DPF3: variants seen among roughly 807,000 people sequenced by gnomAD.
The protein encoded by DPF3 is zinc finger protein DPF3.
In DPF3, 18 loss-of-function variants were observed where a neutral mutation model predicts 56.8. The ratio of observed to expected loss-of-function variants is 0.32; its 90% CI spans 0.22 to 0.47. The LOEUF is 0.47. Among genes scored for constraint, DPF3 ranks in the 20% least tolerant of loss-of-function variants. The probability of loss-of-function intolerance (pLI) is 1.00; values close to 1 mark genes in which losing one functional copy is unlikely to be tolerated. For missense variants in DPF3, 403 were observed against 488.8 expected, an observed-to-expected ratio of 0.82 and a Z score of 1.65; for synonymous variants, 188 against 180.2, an observed-to-expected ratio of 1.04 and a Z score of -0.35.
chr14:72,784,281 A>G (rs1013069329), intron 1 of DPF3, among the ~76,000 whole-genome samples: 1 of 152,140 alleles, frequency 6.6e-6, no homozygotes, highest in African/African-American at 2.4e-5. Context: ...TATGTCCCCA[A>G]ACTTAAGTTG....
At chr14:72,744,160 G>T (rs1383946612) in intron 3 of DPF3, among the ~76,000 whole-genome samples, 1 of 152,200 alleles carries the variant, frequency 6.6e-6, no homozygotes, top group Non-Finnish European at 1.5e-5. Flanking sequence ...TAAAGAAACA[G>T]AAGAGGGATG....
chr14:72,870,895 C>T (rs567688406), intron 1 of DPF3, among the ~76,000 whole-genome samples: 2 of 152,184 alleles, frequency 1.3e-5, no homozygotes, highest in African/African-American at 4.8e-5. Context: ...GGCAACATGG[C>T]AAAACCCTGT....
chr14:72,703,498 C>A (rs927235776), intron 6 of DPF3, among the ~76,000 whole-genome samples: 3 of 131,230 alleles, frequency 2.3e-5, no homozygotes, highest in African/African-American at 7.7e-5. Context: ...ATTTCTGGAT[C>A]CTCAGCAGGG....
intron 4 of DPF3, among the ~76,000 whole-genome samples, chr14:72,729,122 A>G (rs1256103724): frequency 6.6e-6 from 1 of 152,056 alleles, no homozygotes; most frequent in East Asian, 1.9e-4. Context: ...GTGGTGCGCA[A>G]CTATAATCCC....
intron 1 of DPF3, among the ~76,000 whole-genome samples, chr14:72,890,569 T>G (rs375707472): frequency 1.3e-5 from 2 of 151,588 alleles, no homozygotes; most frequent in African/African-American, 4.9e-5. Flanking sequence ...ACGTGACTAA[T>G]CTACATGCAG....
At chr14:72,691,992 G>A (rs1887709184) in intron 7 of DPF3, among the ~76,000 whole-genome samples, 1 of 152,158 alleles carries the variant, frequency 6.6e-6, no homozygotes, top group Non-Finnish European at 1.5e-5. Context: ...ATTACGAGGG[G>A]AAAGTGGGGT....
chr14:72,613,442 C>T lies in DPF3; in HGVS notation c.*5855G>A, dbSNP rs890493006. ...TCCTCTGGCCTGCCCTGGGAAATGTCGCCATCAGCAAAATACTCCCTTCTC... is the reference window on the plus strand; with the variant it reads ...TCCTCTGGCCTGCCCTGGGAAATGTTGCCATCAGCAAAATACTCCCTTCTC... On this transcript the variant is annotated 3_prime_UTR_variant, in exon 11 of 11. Coordinates refer to ENST00000556509, the MANE Select transcript of DPF3 (RefSeq NM_001280542.3). Among the ~76,000 whole-genome samples, 1 of 152,204 alleles carries T rather than the reference C, an allele frequency of 6.6e-6. No homozygotes were observed. Among genetic ancestry groups the T allele is most frequent in the African/African-American group, 2.4e-5 (1 of 41,442 alleles).
At position 72,804,180 on chromosome 14, in the gene DPF3, G is replaced by GACACACACAC. The variant is rs545355128; in HGVS notation, c.33-32297_33-32288dup. The stretch of plus-strand genomic sequence containing the variant: ...CTCAAGATCCAGCACTGCTTTCCAG[G>GACACACACAC]ACACACACACACACACACACACACA... On this transcript the variant is annotated intron_variant, in intron 1 of 10. Coordinates refer to ENST00000556509, the MANE Select transcript of DPF3 (RefSeq NM_001280542.3). 2.1e-3 allele frequency among the ~76,000 whole-genome samples: 285 copies of GACACACACAC among 133,260 alleles called. 3 individuals are homozygous for GACACACACAC. The highest frequency in any genetic ancestry group is 7.4e-3 in the South Asian group (29 of 3,916). The allele number at this position is 133,260 out of a possible 152,430, so 87.4% of individuals were successfully genotyped here.
At chr14:72,728,540 G>A (rs187130241) in intron 4 of DPF3, among the ~76,000 whole-genome samples, 34 of 152,278 alleles carry the variant, frequency 2.2e-4, no homozygotes, top group African/African-American at 7.2e-4. Flanking sequence ...GATTTATTTA[G>A]TGGGAAACAA....
At chr14:72,655,962 T>A (rs997636767) in intron 8 of DPF3, among the ~76,000 whole-genome samples, 4 of 152,160 alleles carry the variant, frequency 2.6e-5, no homozygotes, top group African/African-American at 9.7e-5. Context: ...GCCTCGACAG[T>A]CTAAAATGCT....
intron 1 of DPF3, chr14:72,892,720 A>C (rs1599531632): frequency 2.0e-6 from 2 of 999,538 alleles, no homozygotes; most frequent in South Asian, 8.9e-5. Flanking sequence ...ACCGCCCCCC[A>C]CCCGACCTGC....
intron 5 of DPF3, among the ~76,000 whole-genome samples, chr14:72,714,952 G>C (rs1888847250): frequency 6.6e-6 from 1 of 152,312 alleles, no homozygotes; most frequent in East Asian, 1.9e-4. Flanking sequence ...CCCCTCAGCA[G>C]ACCAGCTGAT....
chr14:72,827,200 G>A (rs2140044967), intron 1 of DPF3, among the ~76,000 whole-genome samples: 1 of 152,206 alleles, frequency 6.6e-6, no homozygotes. Context: ...TTCAGAAAAT[G>A]GAAGAATCAG....
At chr14:72,848,383 T>C (rs576063728) in intron 1 of DPF3, among the ~76,000 whole-genome samples, 16 of 152,304 alleles carry the variant, frequency 1.1e-4, no homozygotes, top group African/African-American at 2.9e-4. Flanking sequence ...CAGGCTGGCC[T>C]CAAATTCCTG....
At chr14:72,802,075 C>T (rs1195310092) in intron 1 of DPF3, among the ~76,000 whole-genome samples, 6 of 152,190 alleles carry the variant, frequency 3.9e-5, no homozygotes. Context: ...AGAGTGGCAC[C>T]AACAAGTGGC....
At chr14:72,643,940 C>A (rs914848869) in intron 8 of DPF3, among the ~76,000 whole-genome samples, 4 of 152,182 alleles carry the variant, frequency 2.6e-5, no homozygotes, top group African/African-American at 7.2e-5. Flanking sequence ...GAGACCCCAA[C>A]GAAGCCTCAC....
chr14:72,829,538 C>A (rs1490094363), intron 1 of DPF3, among the ~76,000 whole-genome samples: 1 of 151,928 alleles, frequency 6.6e-6, no homozygotes, highest in Non-Finnish European at 1.5e-5. Context: ...GTGCCCACCA[C>A]CACGCCCAGC....
intron 2 of DPF3, among the ~76,000 whole-genome samples, chr14:72,760,073 A>C (rs555947071): frequency 4.6e-5 from 7 of 152,344 alleles, no homozygotes; most frequent in Admixed American, 4.6e-4. Context: ...TTGGATCTAC[A>C]CAAAGGAATG....
chr14:72,848,408 G>A (rs780528824), intron 1 of DPF3, among the ~76,000 whole-genome samples: 4 of 152,164 alleles, frequency 2.6e-5, no homozygotes, highest in Admixed American at 1.3e-4. Context: ...CATGTGATCC[G>A]CCCGCCTTGG....
Sources: allele counts gnomAD v4.1 joint callset (sites outside exome capture counted in the v4.1 genomes callset), GRCh38; gene constraint gnomAD v4.1.1; transcripts MANE v1.5; gene names NCBI Gene and HGNC (gene_info 2026-07-23, HGNC 2026-07-21).